Variants in NOTCH3 observed in about 807,000 individuals in gnomAD.
NOTCH3 encodes neurogenic locus notch homolog protein 3.
NOTCH3 carries 86 observed loss-of-function variants against 213.3 expected under a neutral mutation model. That is an observed-to-expected ratio of 0.40 (90% confidence interval 0.34 to 0.48). The LOEUF (loss-of-function observed/expected upper bound fraction) is 0.48, where lower values mean the gene tolerates loss of function less well. Ranked by LOEUF, NOTCH3 falls within the 20% of genes least tolerant of loss-of-function variation. The pLI is 0.57. For missense variants in NOTCH3, 2,783 were observed against 3,272.6 expected (o/e 0.85, Z 3.65); for synonymous variants, 1,354 against 1,355.9 (o/e 1.00, Z 0.03).
intron 12 of NOTCH3, 27 bp downstream of exon 12, chr19:15,186,851 C>A (rs371671243): frequency 6.4e-7 from 1 of 1,574,188 alleles, no homozygotes; most frequent in African/African-American, 1.4e-5. Context: ...ATCTAAGGAC[C>A]CCCTCTCATG....
At chr19:15,161,938 G>C (rs947349373) in intron 32 of NOTCH3, among the ~76,000 whole-genome samples, 1 of 149,962 alleles carries the variant, frequency 6.7e-6, no homozygotes, top group African/African-American at 2.5e-5. Flanking sequence ...ACTAGGGTGA[G>C]TTAAGCGAGG....
chr19:15,196,870 C>A (rs190458951), intron 2 of NOTCH3, among the ~76,000 whole-genome samples: 2 of 152,300 alleles, frequency 1.3e-5, no homozygotes, highest in South Asian at 4.2e-4. Context: ...CTGCTCAGCT[C>A]CTTCCCAGCC....
At chr19:15,163,638 C>T (rs2046662627) in intron 31 of NOTCH3, among the ~76,000 whole-genome samples, 1 of 152,266 alleles carries the variant, frequency 6.6e-6, no homozygotes, top group Admixed American at 6.5e-5. Flanking sequence ...TGAGATCAGC[C>T]TGGGCAACAA....
rs1236699193 is a variant in NOTCH3 at position 15,192,202 on chromosome 19, C to T, written c.437G>A (p.Cys146Tyr). ...VGPDGRFLCS[C>Y]PPGYQGRSCR... ...GCTGCGGCCCTGGTAGCCAGGTGGG[C>T]AGGAGCAGAGGAAGCGTCCATCGGG... The change falls in exon 4 of 33, where the codon TGC becomes TAC. Residue 146 changes from cysteine to tyrosine, a missense_variant. By Grantham distance (194) the Cys-to-Tyr change is radical. Transcript: ENST00000263388. The T allele has an allele frequency of 1.2e-6, 2 of 1,611,712 alleles. No homozygotes were observed. Among genetic ancestry groups the T allele is most frequent in the Admixed American group, 3.3e-5 (2 of 59,772 alleles).
At position 15,167,371 on chromosome 19, in the gene NOTCH3, C is replaced by T. The variant is rs902821210; in HGVS notation, c.5240G>A (p.Cys1747Tyr). The change falls in exon 29 of 33, where the codon TGC (cysteine) becomes TAC (tyrosine). Residue 1747 changes from cysteine to tyrosine, a missense_variant. Cys to Tyr is a radical substitution (Grantham distance 194). Around this residue, in one of 6 missense-constraint regions of NOTCH3, gnomAD observed 636 missense variants for 801.8 expected, o/e 0.79. Coordinates refer to ENST00000263388, the MANE Select transcript of NOTCH3 (RefSeq NM_000435.3). ...PGMGAEEAVD[C>Y]RQWTQHHLVA... ...CAGATGGTGTTGAGTCCACTGACGG[C>T]AATCCACAGCCTCCTCAGCCCCCAT... 5 of 1,610,414 alleles carry T rather than the reference C, an allele frequency of 3.1e-6. No homozygotes were observed. Among genetic ancestry groups the T allele is most frequent in the Non-Finnish European group, 3.4e-6 (4 of 1,180,016 alleles).
intron 24 of NOTCH3, 86 bp downstream of exon 24, chr19:15,177,439 G>C (rs1162867725): frequency 3.2e-6 from 4 of 1,239,560 alleles, no homozygotes; most frequent in Non-Finnish European, 4.6e-6. Flanking sequence ...AAGTGGATGG[G>C]CAGGTGGAAA....
rs1210937288 is a variant in NOTCH3 at position 15,173,106 on chromosome 19, T to TC, written c.4736+961_4736+962insG. On this transcript the variant is annotated intron_variant, in intron 25 of 32. Coordinates refer to ENST00000263388, the MANE Select transcript of NOTCH3 (RefSeq NM_000435.3). Reference sequence around the variant, plus strand: ...TTCTTCTTCTTCTTCTTCTTCTTCTTTTTTTTTTTTTTTTTTTTTTTTAAG... The same window carrying TC: ...TTCTTCTTCTTCTTCTTCTTCTTCTTCTTTTTTTTTTTTTTTTTTTTTTAAG... Among the ~76,000 whole-genome samples the TC allele has an allele frequency of 6.2e-3, 152 of 24,608 alleles. 25 individuals are homozygous for TC. Among genetic ancestry groups the TC allele is most frequent in the African/African-American group, 0.012 (24 of 1,988 alleles). The allele number at this position is 24,608 out of a possible 152,430, so 16.1% of individuals were successfully genotyped here.
At position 15,170,076 on chromosome 19, in the gene NOTCH3, G is replaced by C; in HGVS notation, c.5199+10C>G. On this transcript the variant is annotated intron_variant, in intron 28 of 32. Coordinates refer to ENST00000263388, the MANE Select transcript of NOTCH3 (RefSeq NM_000435.3). ...AGAGGAGGGGGCAAAGGTCAGAGGG[G>C]GGGCAGTACCTTTAGCCGCTTGGCC... 1 of 1,543,444 alleles carries C rather than the reference G, an allele frequency of 6.5e-7. No homozygotes were observed. The highest frequency in any genetic ancestry group is 8.9e-7 in the Non-Finnish European group (1 of 1,129,504).
rs2046761513 is a variant in NOTCH3, at chr19:15,173,751, AAGG to A, written c.4736+314_4736+316del. Among the ~76,000 whole-genome samples the A allele has an allele frequency of 2.7e-5, 4 of 146,706 alleles. 1 individual carries two copies. The highest frequency in any genetic ancestry group is 1.0e-4 in the African/African-American group (4 of 38,204). ...AAAAAAAAAAAAAAAAGAAAAGAAG[AAGG>A]AGAAGGAGAAGGAGAAGGAGAAGGA... is the stretch of plus-strand genomic sequence containing the variant. On this transcript the variant is annotated intron_variant, in intron 25 of 32. Transcript: ENST00000263388.
intron 6 of NOTCH3, among the ~76,000 whole-genome samples, chr19:15,191,190 C>A (rs1052577062): frequency 1.3e-5 from 2 of 151,966 alleles, no homozygotes; most frequent in African/African-American, 2.4e-5. Flanking sequence ...TGCACCACCA[C>A]GCGCAGCTAA....
At chr19:15,182,433 G>A (rs1348996083) in intron 16 of NOTCH3, among the ~76,000 whole-genome samples, 3 of 151,820 alleles carry the variant, frequency 2.0e-5, no homozygotes, top group African/African-American at 7.3e-5. Flanking sequence ...CTTGAGCCTG[G>A]GAGGTCAAGG....
intron 31 of NOTCH3, among the ~76,000 whole-genome samples, chr19:15,163,998 G>A (rs2046665271): frequency 6.6e-6 from 1 of 152,104 alleles, no homozygotes; most frequent in Non-Finnish European, 1.5e-5. Flanking sequence ...TCCAGAACAG[G>A]CAAATCCATG....
rs144732188 is a variant in NOTCH3 at position 15,181,684 on chromosome 19, G to A, written c.2684C>T (p.Pro895Leu). ...ARDVDECLSN[P>L]CGPGTCTDHV... ...GTCGGTACAGGTGCCCGGGCCGCAG[G>A]GGTTGCTCAGGCACTCATCCACATC... The change falls in exon 17 of 33, where the codon CCC becomes CTC. Residue 895 changes from proline (P) to leucine (L), a missense_variant. Physicochemically the swap from Pro to Leu is moderately conservative, Grantham distance 98 (BLOSUM62 -3). Coordinates refer to ENST00000263388, the MANE Select transcript of NOTCH3 (RefSeq NM_000435.3). 4 of 1,558,782 alleles carry A rather than the reference G, an allele frequency of 2.6e-6. No homozygotes were observed. In the African/African-American group the frequency reaches 5.4e-5, roughly 21 times the overall value.
chr19:15,162,903 T>A lies in NOTCH3; in HGVS notation c.5816-341A>T, dbSNP rs2046658073. 2.0e-5 allele frequency among the ~76,000 whole-genome samples: 3 copies of A among 152,104 alleles called. No individual in the cohort carries two copies. In the South Asian group the frequency reaches 6.2e-4, roughly 32 times the overall value. ...TAGTCAGTCACATGTGGTTTTTATTTATCCATTTATTTATTTTTGAGGTAG... is the reference window on the plus strand; with the variant it reads ...TAGTCAGTCACATGTGGTTTTTATTAATCCATTTATTTATTTTTGAGGTAG... On this transcript the variant is annotated intron_variant, in intron 31 of 32. Coordinates refer to ENST00000263388, the MANE Select transcript of NOTCH3 (RefSeq NM_000435.3).
chr19:15,187,721 T>C (rs1242157741), intron 10 of NOTCH3, among the ~76,000 whole-genome samples, 160 bp downstream of exon 10: 2 of 152,024 alleles, frequency 1.3e-5, no homozygotes, highest in Non-Finnish European at 1.5e-5. Flanking sequence ...CGTAGCCTTA[T>C]GTCAGTCTAT....
At chr19:15,181,950 C>A (rs1049887235) in intron 16 of NOTCH3, 149 bp from the exon 17 acceptor site, 3 of 697,276 alleles carry the variant, frequency 4.3e-6, no homozygotes, top group Non-Finnish European at 7.3e-6. Context: ...TAAATCCATC[C>A]CCTTCTGTGG....
intron 6 of NOTCH3, among the ~76,000 whole-genome samples, chr19:15,190,102 C>T (rs1406537471): frequency 2.0e-5 from 3 of 148,692 alleles, no homozygotes; most frequent in East Asian, 2.0e-4. Context: ...TAGTGAGACC[C>T]GTCTCTACAA....
chr19:15,160,695 C>T lies in NOTCH3; in HGVS notation c.6933G>A (p.Pro2311=), dbSNP rs367934317. The T allele has an allele frequency of 2.4e-5, 39 of 1,614,034 alleles. No individual in the cohort carries two copies. The highest frequency in any genetic ancestry group is 9.3e-5 in the African/African-American group (7 of 74,912). ...ACACTTGCCTCTTGGGGGTAACTTCCGGCTGGGGCCCCAGCTGGGTCTGGG... is the reference window on the plus strand; with the variant it reads ...ACACTTGCCTCTTGGGGGTAACTTCTGGCTGGGGCCCCAGCTGGGTCTGGG... ...AQAQTQLGPQ[P]EVTPKRQVLA Residue 2311 remains proline (P), a synonymous_variant, in exon 33 of 33, where the codon CCG becomes CCA. Transcript: ENST00000263388.
chr19:15,180,649 C>T (rs1427061925), intron 19 of NOTCH3, 32 bp downstream of exon 19: 1 of 1,542,898 alleles, frequency 6.5e-7, no homozygotes. Flanking sequence ...CTTCCCAAGG[C>T]CCCACACGCC....
Sources: allele counts gnomAD v4.1 joint callset (sites outside exome capture counted in the v4.1 genomes callset), GRCh38; gene constraint gnomAD v4.1.1; regional missense constraint gnomAD v4.1.1; transcripts MANE v1.5; gene names NCBI Gene and HGNC (gene_info 2026-07-23, HGNC 2026-07-21).